PEX16: variants seen among roughly 807,000 people sequenced by gnomAD.
PEX16 encodes the protein peroxisomal biogenesis factor 16.
A neutral mutation model predicts 50.5 loss-of-function variants in PEX16; 37 were observed. The observed-to-expected ratio is 0.73, with a 90% confidence interval of 0.56 to 0.96. PEX16 has a LOEUF of 0.96. PEX16 is among the 40% of genes least tolerant of loss of function. The pLI is 0.00. For missense variants in PEX16, 401 were observed against 438.3 expected, an observed-to-expected ratio of 0.91 and a Z score of 0.76; for synonymous variants, 185 against 190.3, an observed-to-expected ratio of 0.97 and a Z score of 0.23.
rs1003999809 is a variant in PEX16, at chr11:45,910,370, CACAT to C, written c.953-62_953-59del. On this transcript the variant is annotated intron_variant, in intron 10 of 10. Transcript: ENST00000378750. ...CAGACCCCAATCTGCACTGTGGCGCCACATACAGCACCTCACCCCTGCGGCCCAG... is the reference window on the plus strand; with the variant it reads ...CAGACCCCAATCTGCACTGTGGCGCCACAGCACCTCACCCCTGCGGCCCAG... 2.2e-6 allele frequency: 3 copies of C among 1,386,356 alleles called. No individual in the cohort carries two copies. The African/African-American group carries it at 4.3e-5, about 20-fold the overall frequency. The allele number at this position is 1,386,356 out of a possible 1,614,324, so 85.9% of individuals were successfully genotyped here. A position where few individuals can be genotyped will look rare whatever the true frequency, so the allele number is the denominator to read the frequency against.
At chr11:45,910,423 G>T in intron 10 of PEX16, 111 bp from the exon 11 acceptor site, 1 of 887,314 alleles carries the variant, frequency 1.1e-6, no homozygotes, top group Non-Finnish European at 1.9e-6. Context: ...TGGCTGTCTT[G>T]CCCTGCCCCC....
At chr11:45,918,803 C>T (rs2134701769), upstream of PEX16, 1 of 152,344 alleles carries the variant, frequency 6.6e-6, no homozygotes, top group Non-Finnish European at 1.5e-5. Flanking sequence ...ACGGGTGGCA[C>T]CGGGAGATCT....
chr11:45,912,177 A>G (rs2086785941), intron 9 of PEX16, among the ~76,000 whole-genome samples: 1 of 152,032 alleles, frequency 6.6e-6, no homozygotes, highest in African/African-American at 2.4e-5. Flanking sequence ...CAGAAGGAGC[A>G]GCCTTACTCT....
At chr11:45,917,587 C>T in intron 1 of PEX16, 94 bp from the exon 2 acceptor site, 1 of 1,527,118 alleles carries the variant, frequency 6.5e-7, no homozygotes, top group Non-Finnish European at 9.0e-7. Context: ...CCTTTGGGAA[C>T]CTGGACGGGT....
intron 9 of PEX16, among the ~76,000 whole-genome samples, chr11:45,912,286 CAGG>C (rs1218369604): frequency 1.3e-5 from 2 of 152,014 alleles, no homozygotes; most frequent in Admixed American, 6.5e-5. Context: ...ATCACGAGGT[CAGG>C]AGATCGAGAC....
chr11:45,916,283 G>A lies in PEX16; in HGVS notation c.169C>T (p.Leu57Phe), dbSNP rs1224855761. ...SELVYSASNL[L>F]VLLNDGILRK... ...AGGATCCCGTCATTGAGCAGCACAAGCAGGTTAGAGGCAGAGTACACTGAG... is the reference window on the plus strand; with the variant it reads ...AGGATCCCGTCATTGAGCAGCACAAACAGGTTAGAGGCAGAGTACACTGAG... The change falls in exon 3 of 11, where the codon CTT becomes TTT. Residue 57 changes from leucine (L) to phenylalanine (F), a missense_variant. Leu to Phe is a conservative substitution (Grantham distance 22). Coordinates refer to ENST00000378750, the MANE Select transcript of PEX16 (RefSeq NM_004813.4). 6.2e-7 allele frequency: 1 copy of A among 1,613,938 alleles called. No homozygotes were observed. The highest frequency in any genetic ancestry group is 1.1e-5 in the South Asian group (1 of 91,086).
Position 45,910,145 on chromosome 11 carries a change from C to T in PEX16, c.*109G>A, listed in dbSNP as rs2086760531. The T allele has an allele frequency of 6.2e-7, 1 of 1,611,872 alleles. No individual in the cohort carries two copies. Among genetic ancestry groups the T allele is most frequent in the Non-Finnish European group, 8.5e-7 (1 of 1,179,914 alleles). On this transcript the variant is annotated 3_prime_UTR_variant, in exon 11 of 11. Coordinates refer to ENST00000378750, the MANE Select transcript of PEX16 (RefSeq NM_004813.4). ...GACCAGGGCTGTGTGTGGGGCCTGG[C>T]CGGTAGGCACGGAGAGGCCGCACGC... is the stretch of plus-strand genomic sequence containing the variant.
At chr11:45,916,648 T>G (rs2086839412) in intron 2 of PEX16, among the ~76,000 whole-genome samples, 1 of 152,206 alleles carries the variant, frequency 6.6e-6, no homozygotes, top group South Asian at 2.1e-4. Context: ...TGGCAGCCTG[T>G]TCCTGAGGGT....
intron 3 of PEX16, 72 bp downstream of exon 3, chr11:45,916,155 G>C (rs1004547081): frequency 9.1e-7 from 1 of 1,099,170 alleles, no homozygotes; most frequent in Non-Finnish European, 1.4e-6. Flanking sequence ...TGTGCTGCAC[G>C]CATGGGCTAG....
rs756256814 is a variant in PEX16 at position 45,910,111 on chromosome 11, G to A, written c.*143C>T. On this transcript the variant is annotated 3_prime_UTR_variant, in exon 11 of 11. Coordinates refer to ENST00000378750, the MANE Select transcript of PEX16 (RefSeq NM_004813.4). ...CAGTCAAGGGTGTCCTGGGAGGAAC[G>A]CTGGTGGCGACCAGGGCTGTGTGTG... 1.2e-5 allele frequency: 19 copies of A among 1,611,488 alleles called. No homozygotes were observed. Among genetic ancestry groups the A allele is most frequent in the Middle Eastern group, 2.2e-4 (1 of 4,464 alleles).
chr11:45,911,677 A>G (rs2134688054), intron 9 of PEX16, among the ~76,000 whole-genome samples: 1 of 152,358 alleles, frequency 6.6e-6, no homozygotes, highest in South Asian at 2.1e-4. Flanking sequence ...CCAAGGCTAC[A>G]CATCTGGAAG....
chr11:45,911,192 CACA>C (rs1483725733), intron 9 of PEX16, among the ~76,000 whole-genome samples: 4 of 152,236 alleles, frequency 2.6e-5, no homozygotes, highest in Non-Finnish European at 4.4e-5. Context: ...GCCGCTGACC[CACA>C]ACACCTCCTC....
chr11:45,910,199 G>A lies in PEX16; in HGVS notation c.*55C>T, dbSNP rs377636002. On this transcript the variant is annotated 3_prime_UTR_variant, in exon 11 of 11. Coordinates refer to ENST00000378750, the MANE Select transcript of PEX16 (RefSeq NM_004813.4). ...GACGCTGCCGGAGTCAGTTTTATTAGGGAAGAGGGGCTCCCTGCCCCACCC... is the reference window on the plus strand; with the variant it reads ...GACGCTGCCGGAGTCAGTTTTATTAAGGAAGAGGGGCTCCCTGCCCCACCC... 2.9e-5 allele frequency: 46 copies of A among 1,612,952 alleles called. No individual in the cohort carries two copies. In the African/African-American group the frequency reaches 5.2e-4, roughly 18 times the overall value.
At position 45,913,934 on chromosome 11, in the gene PEX16, T is replaced by C. The variant is rs776946205; in HGVS notation, c.772A>G (p.Ser258Gly). 5 of 1,612,478 alleles carry C rather than the reference T, an allele frequency of 3.1e-6. No homozygotes were observed. In the East Asian group the frequency reaches 1.1e-4, roughly 36 times the overall value. ...AGGCCCTTTCTGTCACTCAGGAGGC[T>C]CAGGCTGGGAGGCAGGGAGGACATG... ...LAGVVDVTSL[S>G]LLSDRKGLTR... is the part of the protein sequence containing the mutation. The change falls in exon 9 of 11, where the codon AGC (serine) becomes GGC (glycine). Residue 258 changes from serine to glycine, a missense_variant. Ser to Gly is a moderately conservative substitution (Grantham distance 56). Coordinates refer to ENST00000378750, the MANE Select transcript of PEX16 (RefSeq NM_004813.4).
chr11:45,916,657 G>A (rs2086839530), intron 2 of PEX16, among the ~76,000 whole-genome samples: 1 of 152,152 alleles, frequency 6.6e-6, no homozygotes, highest in African/African-American at 2.4e-5. Flanking sequence ...GTTCCTGAGG[G>A]TCTATTCCAC....
At chr11:45,916,889 C>T (rs890970698) in intron 2 of PEX16, 6 of 393,792 alleles carry the variant, frequency 1.5e-5, no homozygotes, top group Non-Finnish European at 3.1e-5. Context: ...AGGCTGGTCT[C>T]GAACTCCTGA....
At position 45,914,089 on chromosome 11, in the gene PEX16, A is replaced by C; in HGVS notation, c.767+42T>G. 1.9e-6 allele frequency: 3 copies of C among 1,578,750 alleles called. No homozygotes were observed. The South Asian group carries it at 3.4e-5, about 18-fold the overall frequency. ...TATGTGAGGCCAGGATTATAGCAGA[A>C]AGCCCAGTGGAGAGTGAAGCCCCAG... On this transcript the variant is annotated intron_variant, in intron 8 of 10. Coordinates refer to ENST00000378750, the MANE Select transcript of PEX16 (RefSeq NM_004813.4).
At position 45,910,690 on chromosome 11, in the gene PEX16, C is replaced by G. The variant is rs575177744; in HGVS notation, c.952+208G>C. ...AAGCTGGCAGCTGATGTGGTCCCCC[C>G]ACCAGTGGACACCCTCCTTCCAGCC... On this transcript the variant is annotated intron_variant, in intron 10 of 10. Coordinates refer to ENST00000378750, the MANE Select transcript of PEX16 (RefSeq NM_004813.4). 8.5e-5 allele frequency among the ~76,000 whole-genome samples: 13 copies of G among 152,312 alleles called. No individual in the cohort carries two copies. The East Asian group carries it at 2.3e-3, about 27-fold the overall frequency.
rs763001456 is a variant in PEX16 at position 45,914,303 on chromosome 11, G to A, written c.694+13C>T. 7 of 1,613,448 alleles carry A rather than the reference G, an allele frequency of 4.3e-6. No homozygotes were observed. The highest frequency in any genetic ancestry group is 1.3e-5 in the African/African-American group (1 of 75,024). On this transcript the variant is annotated intron_variant, in intron 7 of 10. Coordinates refer to ENST00000378750, the MANE Select transcript of PEX16 (RefSeq NM_004813.4). ...CACAGTGCCAGCCCTATCCTGCCCC[G>A]CGCTAAGGATACAGTGCAGCAGCGG...
Sources: allele counts gnomAD v4.1 joint callset (sites outside exome capture counted in the v4.1 genomes callset), GRCh38; gene constraint gnomAD v4.1.1; transcripts MANE v1.5; gene names NCBI Gene and HGNC (gene_info 2026-07-23, HGNC 2026-07-21).